Variants in PELI2 observed in about 807,000 individuals in gnomAD.
The protein encoded by PELI2 is pellino E3 ubiquitin protein ligase family member 2.
Under a neutral mutation model 42.3 loss-of-function variants are expected in PELI2, and 23 were observed. The ratio of observed to expected loss-of-function variants is 0.54; its 90% CI spans 0.39 to 0.77. PELI2 has a LOEUF of 0.77. Ranked by LOEUF, PELI2 falls within the 30% of genes least tolerant of loss-of-function variation. The pLI, the probability that PELI2 is intolerant of heterozygous loss-of-function variation, is 0.00. For missense variants in PELI2, 463 were observed against 553.2 expected (o/e 0.84, Z 1.64); for synonymous variants, 245 against 212.2 (o/e 1.15, Z -1.34).
chr14:56,192,497 C>A (rs1353924427), intron 2 of PELI2, among the ~76,000 whole-genome samples: 2 of 152,162 alleles, frequency 1.3e-5, no homozygotes, highest in African/African-American at 4.8e-5. Context: ...CACTCGACAC[C>A]AGTACCATCT....
intron 2 of PELI2, among the ~76,000 whole-genome samples, chr14:56,272,426 G>GTA (rs148690042): frequency 0.24 from 37,115 of 152,106 alleles, 5,061 homozygotes; most frequent in African/African-American, 0.34. Flanking sequence ...ATACCTCTTG[G>GTA]TATACAAAGG....
chr14:56,239,835 C>T (rs1009865112), intron 2 of PELI2, among the ~76,000 whole-genome samples: 1 of 152,062 alleles, frequency 6.6e-6, no homozygotes, highest in Non-Finnish European at 1.5e-5. Flanking sequence ...GCAAATTCCC[C>T]GAGTCTACAT....
intron 1 of PELI2, among the ~76,000 whole-genome samples, chr14:56,122,679 G>T (rs1047777577): frequency 6.6e-6 from 1 of 151,940 alleles, no homozygotes; most frequent in Non-Finnish European, 1.5e-5. Context: ...AGGGTCCACA[G>T]ATGGAGTTCG....
intron 2 of PELI2, among the ~76,000 whole-genome samples, chr14:56,225,583 C>G (rs941003822): frequency 1.6e-4 from 25 of 152,194 alleles, no homozygotes; most frequent in African/African-American, 6.0e-4. Context: ...CTGGGCCATT[C>G]TACTGGGGAC....
At chr14:56,207,888 C>CT (rs1886576062) in intron 2 of PELI2, among the ~76,000 whole-genome samples, 2 of 152,242 alleles carry the variant, frequency 1.3e-5, no homozygotes, top group African/African-American at 4.8e-5. Flanking sequence ...CATGCCTTCT[C>CT]TCAGGACAGA....
chr14:56,247,372 C>T (rs374689362), intron 2 of PELI2, among the ~76,000 whole-genome samples: 3 of 152,154 alleles, frequency 2.0e-5, no homozygotes, highest in Non-Finnish European at 4.4e-5. Flanking sequence ...TGTCCCCTTA[C>T]GGATGGATGT....
intron 2 of PELI2, among the ~76,000 whole-genome samples, chr14:56,244,617 T>A (rs1311390702): frequency 6.6e-6 from 1 of 152,182 alleles, no homozygotes; most frequent in Admixed American, 6.5e-5. Flanking sequence ...TCATCCTCCC[T>A]CCACTTCTTC....
At chr14:56,202,467 A>T (rs1886364699) in intron 2 of PELI2, among the ~76,000 whole-genome samples, 1 of 150,090 alleles carries the variant, frequency 6.7e-6, no homozygotes, top group Admixed American at 6.8e-5. Flanking sequence ...CAGTGGAGAC[A>T]GCTTTCCTGG....
chr14:56,270,337 A>G (rs931087878), intron 2 of PELI2, among the ~76,000 whole-genome samples: 3 of 152,224 alleles, frequency 2.0e-5, no homozygotes, highest in African/African-American at 7.2e-5. Context: ...TATTTTAAAG[A>G]GTGTGTTTCA....
Position 56,125,420 on chromosome 14 carries a change from G to A in PELI2, c.77+6683G>A, listed in dbSNP as rs558491987. 3.3e-5 allele frequency among the ~76,000 whole-genome samples: 5 copies of A among 151,950 alleles called. No homozygotes were observed. The East Asian group carries it at 5.8e-4, about 18-fold the overall frequency. On this transcript the variant is annotated intron_variant, in intron 1 of 5. Coordinates refer to ENST00000267460, the MANE Select transcript of PELI2 (RefSeq NM_021255.3). ...GAAGAGAGTTATTGGGTGGGCAGGG[G>A]GGGGGTGAATTGGCAGGGTGAAATG...
intron 1 of PELI2, among the ~76,000 whole-genome samples, chr14:56,122,540 T>C (rs2139572829): frequency 6.6e-6 from 1 of 152,288 alleles, no homozygotes; most frequent in South Asian, 2.1e-4. Flanking sequence ...GGAAAAATAT[T>C]GCTTACTCTC....
chr14:56,171,217 AAG>A, intron 1 of PELI2, among the ~76,000 whole-genome samples: 1 of 152,248 alleles, frequency 6.6e-6, no homozygotes, highest in African/African-American at 2.4e-5. Context: ...CGGGACCTAT[AAG>A]AGGTGATTAG....
rs1246385533 is a variant in PELI2, at chr14:56,197,915, AGACACAC to A, written c.207+19452_207+19458del. Among the ~76,000 whole-genome samples, 1,073 of 65,630 alleles carry A rather than the reference AGACACAC, an allele frequency of 0.016. 11 individuals carry two copies. Among genetic ancestry groups the A allele is most frequent in the African/African-American group, 0.063 (1,026 of 16,236 alleles). The allele number at this position is 65,630 out of a possible 152,430, so 43.1% of individuals were successfully genotyped here. ...ACACACCAGGAATGGTGACTGGTGAAGACACACACACACACACACACACACACACACA... is the reference window on the plus strand; with the variant it reads ...ACACACCAGGAATGGTGACTGGTGAAACACACACACACACACACACACACA... On this transcript the variant is annotated intron_variant, in intron 2 of 5. Coordinates refer to ENST00000267460, the MANE Select transcript of PELI2 (RefSeq NM_021255.3). The surrounding 1 kb of genome is among the most constrained non-coding windows in gnomAD (Gnocchi z 4.9).
intron 1 of PELI2, among the ~76,000 whole-genome samples, chr14:56,124,064 T>C (rs1883159780): frequency 6.6e-6 from 1 of 152,250 alleles, no homozygotes; most frequent in African/African-American, 2.4e-5. Context: ...CAGAAATCTA[T>C]TTTATAAAAA....
chr14:56,259,817 GTTC>G (rs1334493483), intron 2 of PELI2, among the ~76,000 whole-genome samples: 9 of 151,990 alleles, frequency 5.9e-5, no homozygotes, highest in African/African-American at 2.2e-4. Context: ...ACAAAAATAA[GTTC>G]TTCTATATTA....
intron 2 of PELI2, among the ~76,000 whole-genome samples, chr14:56,204,588 T>C (rs777572611): frequency 1.3e-5 from 2 of 152,092 alleles, no homozygotes; most frequent in Non-Finnish European, 2.9e-5. Flanking sequence ...GCTTAAAATG[T>C]ATGGGTGTGG....
At chr14:56,153,170 A>G (rs1002322615) in intron 1 of PELI2, among the ~76,000 whole-genome samples, 1 of 152,248 alleles carries the variant, frequency 6.6e-6, no homozygotes, top group Admixed American at 6.5e-5. Flanking sequence ...AAAGATCATA[A>G]GGAAAATCCT....
intron 1 of PELI2, among the ~76,000 whole-genome samples, chr14:56,163,666 G>T (rs775699899): frequency 2.8e-4 from 42 of 152,076 alleles, no homozygotes; most frequent in Non-Finnish European, 5.0e-4. Context: ...GCTTTGGGTA[G>T]TATGGACATT....
At chr14:56,201,914 A>G (rs1273597984) in intron 2 of PELI2, among the ~76,000 whole-genome samples, 2 of 152,248 alleles carry the variant, frequency 1.3e-5, no homozygotes, top group African/African-American at 4.8e-5. Context: ...GATTACAAAA[A>G]TCTACTGAAT....
Sources: gnomAD v4.1 joint callset for allele counts (sites outside exome capture counted in the v4.1 genomes callset) on GRCh38, gnomAD v4.1.1 for gene constraint, Gnocchi (gnomAD v3.1) non-coding constraint, MANE v1.5 for transcripts, NCBI Gene and HGNC (gene_info 2026-07-23, HGNC 2026-07-21) for gene names.